Variants in GPC5 observed in about 807,000 individuals in gnomAD.
The protein encoded by GPC5 is glypican 5.
GPC5 carries 47 observed loss-of-function variants against 53.9 expected under a neutral mutation model. That is an observed-to-expected ratio of 0.87 (90% CI 0.69 to 1.11). The LOEUF is 1.11. Ranked by LOEUF, GPC5 falls within the 50% of genes most tolerant of loss-of-function variation. The probability of loss-of-function intolerance (pLI) is 0.00; values close to 1 mark genes in which losing one functional copy is unlikely to be tolerated. For synonymous variants in GPC5, 286 were observed against 263.3 expected, an observed-to-expected ratio of 1.09 and a Z score of -0.84; for missense variants, 748 against 713.1, an observed-to-expected ratio of 1.05 and a Z score of -0.56.
intron 7 of GPC5, among the ~76,000 whole-genome samples, chr13:92,623,883 G>A (rs1249640988): frequency 2.0e-5 from 3 of 151,720 alleles, no homozygotes; most frequent in Non-Finnish European, 4.4e-5. Context: ...TTGAGACAGA[G>A]TTTTGCTCTT....
intron 6 of GPC5, among the ~76,000 whole-genome samples, chr13:92,142,607 A>T (rs1437464311): frequency 6.6e-6 from 1 of 152,206 alleles, no homozygotes; most frequent in Non-Finnish European, 1.5e-5. Context: ...AATCACTTTC[A>T]ACCAAAATCA....
At chr13:91,921,899 A>C (rs2039718432) in intron 6 of GPC5, among the ~76,000 whole-genome samples, 1 of 152,116 alleles carries the variant, frequency 6.6e-6, no homozygotes, top group Non-Finnish European at 1.5e-5. Context: ...TGAGCCTAGG[A>C]GTTCAAGGCT....
intron 7 of GPC5, among the ~76,000 whole-genome samples, chr13:92,789,035 C>T (rs1220821160): frequency 1.3e-5 from 2 of 152,134 alleles, no homozygotes; most frequent in Non-Finnish European, 2.9e-5. Context: ...GTCAGGCCAG[C>T]GGGGTTTCCC....
intron 6 of GPC5, among the ~76,000 whole-genome samples, chr13:92,005,716 A>G (rs1460923293): frequency 6.6e-6 from 1 of 152,182 alleles, no homozygotes; most frequent in Non-Finnish European, 1.5e-5. Context: ...ATCTCCCTGC[A>G]CCCAGGACAG....
At chr13:92,417,591 G>A (rs1036785705) in intron 7 of GPC5, among the ~76,000 whole-genome samples, 3 of 152,158 alleles carry the variant, frequency 2.0e-5, no homozygotes, top group African/African-American at 7.2e-5. Flanking sequence ...AAAAATTCTA[G>A]GACTGGTGTG....
At chr13:92,659,805 G>A (rs541212422) in intron 7 of GPC5, among the ~76,000 whole-genome samples, 83 of 152,296 alleles carry the variant, frequency 5.4e-4, no homozygotes, top group Non-Finnish European at 1.1e-3. Flanking sequence ...GATGTTCCCT[G>A]AGGAAGTGAT....
intron 3 of GPC5, among the ~76,000 whole-genome samples, chr13:91,696,960 C>T (rs975925632): frequency 6.6e-6 from 1 of 152,136 alleles, no homozygotes; most frequent in Non-Finnish European, 1.5e-5. Context: ...TACGCATTTG[C>T]TTATTTTATC....
At chr13:91,531,013 C>G (rs1292480322) in intron 2 of GPC5, among the ~76,000 whole-genome samples, 1 of 152,054 alleles carries the variant, frequency 6.6e-6, no homozygotes, top group Non-Finnish European at 1.5e-5. Context: ...TTCTTACTGC[C>G]AATATTGAAT....
At chr13:92,741,423 T>C (rs1397328557) in intron 7 of GPC5, among the ~76,000 whole-genome samples, 6 of 151,898 alleles carry the variant, frequency 4.0e-5, no homozygotes, top group African/African-American at 1.4e-4. Context: ...GAGGCTTTCA[T>C]AAGATGTGCC....
At chr13:92,431,209 G>C (rs948705489) in intron 7 of GPC5, among the ~76,000 whole-genome samples, 1 of 152,112 alleles carries the variant, frequency 6.6e-6, no homozygotes, top group African/African-American at 2.4e-5. Flanking sequence ...GATATGTAAT[G>C]ATGAGCAAGA....
At position 92,583,556 on chromosome 13, in the gene GPC5, C is replaced by T. The variant is rs571701398; in HGVS notation, c.1562-282726C>T. ...AGTGACAGTGGAGTCATTACTGTCT[C>T]TAGGCTGGAATAGGCTAGAAGAGGA... On this transcript the variant is annotated intron_variant, in intron 7 of 7. Coordinates refer to ENST00000377067, the MANE Select transcript of GPC5 (RefSeq NM_004466.6). Among the ~76,000 whole-genome samples, 324 of 152,228 alleles carry T rather than the reference C, an allele frequency of 2.1e-3. 1 individual carries two copies. The highest frequency in any genetic ancestry group is 3.9e-3 in the Non-Finnish European group (263 of 68,008).
chr13:91,740,737 A>T, intron 4 of GPC5, among the ~76,000 whole-genome samples: 1 of 152,196 alleles, frequency 6.6e-6, no homozygotes, highest in South Asian at 2.1e-4. Context: ...GACCAAATCA[A>T]CACAGCTGTA....
chr13:91,940,279 A>G (rs1043912421), intron 6 of GPC5, among the ~76,000 whole-genome samples: 1 of 152,134 alleles, frequency 6.6e-6, no homozygotes, highest in Non-Finnish European at 1.5e-5. Context: ...TTTGCTTAGG[A>G]TCATAGCCTC....
rs1054106780 is a variant in GPC5 at position 92,545,067 on chromosome 13, C to G, written c.1562-321215C>G. Among the ~76,000 whole-genome samples the G allele has an allele frequency of 2.1e-4, 32 of 151,960 alleles. 1 individual carries two copies. The highest frequency in any genetic ancestry group is 7.7e-4 in the African/African-American group (32 of 41,362). Reference sequence around the variant, plus strand: ...TATATCTCCTAATGCTATACCTCCCCCCTCACCCCACCCCACAACAGGCCC... The same window carrying G: ...TATATCTCCTAATGCTATACCTCCCGCCTCACCCCACCCCACAACAGGCCC... On this transcript the variant is annotated intron_variant, in intron 7 of 7. Transcript: ENST00000377067.
intron 5 of GPC5, among the ~76,000 whole-genome samples, chr13:91,814,406 A>G (rs73607673): frequency 0.025 from 3,856 of 152,260 alleles, 160 homozygotes; most frequent in African/African-American, 0.087. Flanking sequence ...TTACAACAGC[A>G]TAGTAGGGGA....
chr13:92,330,856 G>A (rs569652537), intron 7 of GPC5, among the ~76,000 whole-genome samples: 31 of 152,196 alleles, frequency 2.0e-4, no homozygotes, highest in Middle Eastern at 3.4e-3. Flanking sequence ...CACACTCCAG[G>A]ACATTCCATA....
chr13:92,024,704 G>A (rs970674557), intron 6 of GPC5, among the ~76,000 whole-genome samples: 5 of 152,024 alleles, frequency 3.3e-5, no homozygotes, highest in Non-Finnish European at 7.4e-5. Context: ...TGAAACTGTG[G>A]AGGCATATTT....
intron 2 of GPC5, among the ~76,000 whole-genome samples, chr13:91,661,283 A>G (rs2034981396): frequency 1.3e-5 from 2 of 152,224 alleles, no homozygotes; most frequent in Non-Finnish European, 2.9e-5. Flanking sequence ...CTATTTGAGC[A>G]GAATATCTGG....
intron 7 of GPC5, among the ~76,000 whole-genome samples, chr13:92,799,527 CTG>C (rs1344565134): frequency 6.6e-6 from 1 of 151,636 alleles, no homozygotes; most frequent in African/African-American, 2.4e-5. Flanking sequence ...GCAGCAATGT[CTG>C]AAAAATTATT....
Sources: gnomAD v4.1 joint callset for allele counts (sites outside exome capture counted in the v4.1 genomes callset) on GRCh38, gnomAD v4.1.1 for gene constraint, MANE v1.5 for transcripts, NCBI Gene and HGNC (gene_info 2026-07-23, HGNC 2026-07-21) for gene names.